Variants in ARHGEF11 observed in about 807,000 individuals in gnomAD.
ARHGEF11 encodes the protein Rho guanine nucleotide exchange factor 11.
Under a neutral mutation model 193.7 loss-of-function variants are expected in ARHGEF11, and 55 were observed. That is an observed-to-expected ratio of 0.28 (90% CI 0.23 to 0.36). The LOEUF is 0.36. Among genes scored for constraint, ARHGEF11 ranks in the 10% least tolerant of loss-of-function variants. The pLI, the probability that ARHGEF11 is intolerant of heterozygous loss-of-function variation, is 1.00. For missense variants in ARHGEF11, 1,723 were observed against 2,005.6 expected (o/e 0.86, Z 2.69); for synonymous variants, 693 against 768.0 (o/e 0.90, Z 1.62).
chr1:157,007,936 T>C (rs1668042369), intron 1 of ARHGEF11, among the ~76,000 whole-genome samples: 1 of 79,268 alleles, frequency 1.3e-5, no homozygotes, highest in Non-Finnish European at 2.8e-5. Flanking sequence ...TTGTCTCTTT[T>C]GTTCTCTGTT....
rs7555267 is a variant in ARHGEF11, at chr1:156,986,077, G to A, written c.124+5C>T. 6.2e-7 allele frequency: 1 copy of A among 1,612,318 alleles called. No homozygotes were observed. On this transcript the variant is annotated splice_donor_5th_base_variant and intron_variant, in intron 2 of 40. Coordinates refer to ENST00000368194, the MANE Select transcript of ARHGEF11 (RefSeq NM_198236.3). ...TTTTTGTATGTTAATGCCCAAGGAG[G>A]TTACCTGTTGTCTCAGAGGCATCCG... is the stretch of plus-strand genomic sequence containing the variant.
Position 156,956,438 on chromosome 1 carries a change from G to A in ARHGEF11, c.1653C>T (p.Phe551=), listed in dbSNP as rs1196071393. Residue 551 remains phenylalanine, a synonymous_variant, in exon 19 of 41, where the codon TTC becomes TTT. Coordinates refer to ENST00000368194, the MANE Select transcript of ARHGEF11 (RefSeq NM_198236.3). ...CCCTCACCTTCTTGGTCTTAGGGAAGAACGGTAGCCACTTGTCCTTGTCAG... is the reference window on the plus strand; with the variant it reads ...CCCTCACCTTCTTGGTCTTAGGGAAAAACGGTAGCCACTTGTCCTTGTCAG... The part of the protein sequence containing the change: ...SAPDKDKWLP[F]FPKTKKSSNS... 4 of 1,614,154 alleles carry A rather than the reference G, an allele frequency of 2.5e-6. No individual in the cohort carries two copies. In the Admixed American group the frequency reaches 5.0e-5, roughly 20 times the overall value.
chr1:156,953,927 G>C (rs776688708), intron 21 of ARHGEF11, among the ~76,000 whole-genome samples: 3 of 152,170 alleles, frequency 2.0e-5, no homozygotes, highest in Admixed American at 1.3e-4. Context: ...AGTGCTGGCA[G>C]TCAAACGTCA....
rs540895279 is a variant in ARHGEF11 at position 156,936,587 on chromosome 1, A to G, written c.4630+229T>C. 3.4e-3 allele frequency among the ~76,000 whole-genome samples: 514 copies of G among 149,166 alleles called. 3 individuals carry two copies. Among genetic ancestry groups the G allele is most frequent in the Non-Finnish European group, 5.5e-3 (373 of 67,632 alleles). On this transcript the variant is annotated intron_variant, in intron 40 of 40. Transcript: ENST00000368194. ...AGGCTCCTCCTGGTTTGTTACCTCC[A>G]TAGCACAAGGAAAAAGAGGGCTCAG... is the stretch of plus-strand genomic sequence containing the variant.
At chr1:156,981,897 A>G (rs1220273032) in intron 3 of ARHGEF11, among the ~76,000 whole-genome samples, 2 of 152,230 alleles carry the variant, frequency 1.3e-5, no homozygotes, top group Admixed American at 6.5e-5. Context: ...CATTTGCCCC[A>G]ACGTGATCAT....
At position 156,959,130 on chromosome 1, in the gene ARHGEF11, C is replaced by T. The variant is rs368227122; in HGVS notation, c.1295G>A (p.Arg432Gln). 34 of 1,613,954 alleles carry T rather than the reference C, an allele frequency of 2.1e-5. No individual in the cohort carries two copies. The highest frequency in any genetic ancestry group is 8.9e-5 in the East Asian group (4 of 44,882). Residue 432 changes from arginine (R) to glutamine (Q), a missense_variant, in exon 16 of 41, where the codon CGG (arginine) becomes CAG (glutamine). By Grantham distance (43) the Arg-to-Gln change is conservative. Transcript: ENST00000368194. ...AACACCACGGGCATCTTCGCTGTTCCGCAGGCGCGAGTCTGTAGTGGGAGA... is the reference window on the plus strand; with the variant it reads ...AACACCACGGGCATCTTCGCTGTTCTGCAGGCGCGAGTCTGTAGTGGGAGA... ...MLQAEIDSRL[R>Q]NSEDARGVLC...
intron 1 of ARHGEF11, among the ~76,000 whole-genome samples, chr1:157,042,680 A>T (rs1054366879): frequency 2.6e-5 from 4 of 152,202 alleles, no homozygotes; most frequent in African/African-American, 9.7e-5. Flanking sequence ...ATTTTTATCT[A>T]TGAGGATATC....
At chr1:157,042,910 G>C (rs1199031377) in intron 1 of ARHGEF11, among the ~76,000 whole-genome samples, 1 of 152,206 alleles carries the variant, frequency 6.6e-6, no homozygotes, top group Non-Finnish European at 1.5e-5. Context: ...TCCTCACCTT[G>C]ACACACCTCA....
chr1:156,986,757 C>T (rs1220916939), intron 1 of ARHGEF11, among the ~76,000 whole-genome samples: 2 of 152,166 alleles, frequency 1.3e-5, no homozygotes, highest in Non-Finnish European at 2.9e-5. Context: ...CTCTCCATAA[C>T]AGTGATCTCC....
At chr1:156,942,619 ACTGTCCTCATAAACACCAC>A in intron 33 of ARHGEF11, 52 bp downstream of exon 33, 1 of 1,432,114 alleles carries the variant, frequency 7.0e-7, no homozygotes, top group Non-Finnish European at 9.8e-7. Flanking sequence ...CTTGCTACCC[ACTGTCCTCATAAACACCAC>A]CCTGGTCCGA....
chr1:156,960,698 GT>G (rs1296443837), intron 14 of ARHGEF11, among the ~76,000 whole-genome samples: 1 of 152,174 alleles, frequency 6.6e-6, no homozygotes, highest in Non-Finnish European at 1.5e-5. Context: ...GGCACAGGCA[GT>G]TTTTTTCACT....
intron 1 of ARHGEF11, among the ~76,000 whole-genome samples, chr1:157,025,710 G>A (rs1004001531): frequency 3.9e-5 from 6 of 152,092 alleles, no homozygotes; most frequent in African/African-American, 1.4e-4. Context: ...TCTATTCAAG[G>A]GAGGATAGAT....
At position 156,956,499 on chromosome 1, in the gene ARHGEF11, C is replaced by A; in HGVS notation, c.1592G>T (p.Arg531Leu). ...SHAGIRLREARPSNTAEKAQS... is the reference protein window; with the variant it reads ...SHAGIRLREALPSNTAEKAQS... ...GGCCTTTTCAGCTGTGTTGGAAGGT[C>A]GTGCCTCTCGAAGACGGATCCCAGC... Residue 531 changes from arginine (R) to leucine (L), a missense_variant, in exon 19 of 41, where the codon CGA becomes CTA. Arg to Leu is a moderately radical substitution (Grantham distance 102). Around this residue, in one of 5 missense-constraint regions of ARHGEF11, gnomAD observed 646 missense variants for 710.7 expected, o/e 0.91. Coordinates refer to ENST00000368194, the MANE Select transcript of ARHGEF11 (RefSeq NM_198236.3). 6.2e-7 allele frequency: 1 copy of A among 1,614,064 alleles called. No homozygotes were observed. Among genetic ancestry groups the A allele is most frequent in the Non-Finnish European group, 8.5e-7 (1 of 1,180,018 alleles).
chr1:156,952,860 A>T (rs1369622347), intron 21 of ARHGEF11, among the ~76,000 whole-genome samples: 2 of 152,266 alleles, frequency 1.3e-5, no homozygotes, highest in Non-Finnish European at 2.9e-5. Context: ...CTGAACGTGC[A>T]TCTGGGCCTT....
chr1:157,045,695 G>A lies in ARHGEF11; in HGVS notation c.-1365C>T, dbSNP rs531280344. Among the ~76,000 whole-genome samples, 193 of 150,470 alleles carry A rather than the reference G, an allele frequency of 1.3e-3. No individual in the cohort carries two copies. Among genetic ancestry groups the A allele is most frequent in the African/African-American group, 4.6e-3 (189 of 41,334 alleles). On this transcript the variant is annotated 5_prime_UTR_variant, in exon 1 of 41. Coordinates refer to ENST00000368194, the MANE Select transcript of ARHGEF11 (RefSeq NM_198236.3). ...TCGGGACGCCAGGCTCGGCGCACAG[G>A]GAAGGCTGCGGCGGCTGCGGCAGGC...
At position 156,947,995 on chromosome 1, in the gene ARHGEF11, A is replaced by G. The variant is rs577091119; in HGVS notation, c.2154-39T>C. The G allele has an allele frequency of 6.4e-5, 103 of 1,604,168 alleles. No individual in the cohort carries two copies. The South Asian group carries it at 1.1e-3, about 18-fold the overall frequency. On this transcript the variant is annotated intron_variant, in intron 24 of 40. Coordinates refer to ENST00000368194, the MANE Select transcript of ARHGEF11 (RefSeq NM_198236.3). ...GGCAGCTCAGCTTCATTTAGGAGGA[A>G]GAACTCACACAGAGGGTTTGGCCCT...
At chr1:156,954,196 A>G (rs554698595) in intron 21 of ARHGEF11, among the ~76,000 whole-genome samples, 8 of 152,058 alleles carry the variant, frequency 5.3e-5, no homozygotes, top group Admixed American at 2.0e-4. Flanking sequence ...CCTGGCCAAT[A>G]TGGTGAAACC....
At chr1:157,025,148 G>T (rs1159687501) in intron 1 of ARHGEF11, among the ~76,000 whole-genome samples, 1 of 152,194 alleles carries the variant, frequency 6.6e-6, no homozygotes, top group Non-Finnish European at 1.5e-5. Flanking sequence ...GAGAAGGGGA[G>T]ATTTGTTATC....
chr1:156,985,027 A>T (rs537817006), intron 2 of ARHGEF11, among the ~76,000 whole-genome samples: 1 of 152,038 alleles, frequency 6.6e-6, no homozygotes, highest in Admixed American at 6.5e-5. Flanking sequence ...TGTATCCTTT[A>T]AAAAAATACA....
Sources: gnomAD v4.1 joint callset for allele counts (sites outside exome capture counted in the v4.1 genomes callset) on GRCh38, gnomAD v4.1.1 for gene constraint, gnomAD v4.1.1 regional missense constraint, MANE v1.5 for transcripts, NCBI Gene and HGNC (gene_info 2026-07-23, HGNC 2026-07-21) for gene names.